The following PRKG1 variants were observed in gnomAD, a reference collection of about 807,000 sequenced individuals.
PRKG1 encodes cGMP-dependent protein kinase 1.
Under a neutral mutation model 88.1 loss-of-function variants are expected in PRKG1, and 35 were observed. The ratio of observed to expected loss-of-function variants is 0.40; its 90% confidence interval spans 0.30 to 0.53. The LOEUF (loss-of-function observed/expected upper bound fraction) is 0.53. PRKG1 is among the 20% of genes least tolerant of loss of function. The pLI is 0.59. For synonymous variants in PRKG1, 303 were observed against 292.5 expected, an observed-to-expected ratio of 1.04 and a Z score of -0.37; for missense variants, 540 against 839.8, an observed-to-expected ratio of 0.64 and a Z score of 4.41.
At chr10:51,351,160 GA>G (rs1184162539) in intron 2 of PRKG1, among the ~76,000 whole-genome samples, 5 of 152,232 alleles carry the variant, frequency 3.3e-5, no homozygotes, top group Admixed American at 3.3e-4. Flanking sequence ...GTCTATCATT[GA>G]TGGGCATTTG....
At chr10:51,943,939 G>A (rs1842966566) in intron 5 of PRKG1, among the ~76,000 whole-genome samples, 1 of 151,978 alleles carries the variant, frequency 6.6e-6, no homozygotes, top group African/African-American at 2.4e-5. Context: ...TCTCTGCCCG[G>A]CTTTGGTATC....
At chr10:51,212,886 C>T (rs978894901) in intron 2 of PRKG1, among the ~76,000 whole-genome samples, 1 of 152,238 alleles carries the variant, frequency 6.6e-6, no homozygotes, top group Non-Finnish European at 1.5e-5. Flanking sequence ...ACTAGTTCAA[C>T]CATTGTGGAA....
rs1037924402 is a variant in PRKG1, at chr10:51,693,550, T to C, written c.593-111035T>C. The stretch of plus-strand genomic sequence containing the variant: ...CCAAGTAGCTGGGATTACTGGGGCC[T>C]GCCAACATGCCTGGCTAATTTTTGT... On this transcript the variant is annotated intron_variant, in intron 3 of 17. Coordinates refer to ENST00000373980, the MANE Select transcript of PRKG1 (RefSeq NM_006258.4). 3.9e-5 allele frequency among the ~76,000 whole-genome samples: 6 copies of C among 151,926 alleles called. No homozygotes were observed. In the East Asian group the frequency reaches 9.7e-4, roughly 25 times the overall value.
intron 4 of PRKG1, among the ~76,000 whole-genome samples, chr10:51,868,439 A>G (rs1488661161): frequency 1.3e-5 from 2 of 152,216 alleles, no homozygotes; most frequent in Non-Finnish European, 2.9e-5. Flanking sequence ...TGTGGCAAAG[A>G]GAAATAGTTT....
At chr10:52,199,212 C>G (rs1839592403) in intron 9 of PRKG1, among the ~76,000 whole-genome samples, 1 of 152,088 alleles carries the variant, frequency 6.6e-6, no homozygotes, top group South Asian at 2.1e-4. Context: ...ACATTTTGAC[C>G]TAGGCATTTC....
At chr10:51,622,531 A>G (rs1839235171) in intron 3 of PRKG1, among the ~76,000 whole-genome samples, 1 of 152,208 alleles carries the variant, frequency 6.6e-6, no homozygotes, top group Non-Finnish European at 1.5e-5. Flanking sequence ...CAGGGACTCT[A>G]TACTGGAATT....
At chr10:51,126,825 T>C (rs1589173872) in intron 1 of PRKG1, among the ~76,000 whole-genome samples, 1 of 152,260 alleles carries the variant, frequency 6.6e-6, no homozygotes, top group African/African-American at 2.4e-5. Flanking sequence ...TACAACCATC[T>C]GATCTTCAAC....
chr10:51,073,771 G>A (rs1048361140), upstream of PRKG1, among the ~76,000 whole-genome samples: 3 of 152,110 alleles, frequency 2.0e-5, no homozygotes, highest in African/African-American at 7.2e-5. Flanking sequence ...GCTGAAAGGG[G>A]GAATTCCTCG....
At chr10:51,204,842 T>C (rs111260733) in intron 2 of PRKG1, among the ~76,000 whole-genome samples, 3,067 of 152,232 alleles carry the variant, frequency 0.02, 48 homozygotes, top group Middle Eastern at 0.051. Flanking sequence ...GAATAGATCA[T>C]TTTGGGGCCT....
At chr10:51,478,926 G>A (rs1483916267) in intron 3 of PRKG1, among the ~76,000 whole-genome samples, 4 of 151,850 alleles carry the variant, frequency 2.6e-5, no homozygotes, top group East Asian at 3.9e-4. Context: ...TAAAAAAATC[G>A]ACTCCCTTTG....
At chr10:51,997,545 A>G (rs1844481209) in intron 5 of PRKG1, among the ~76,000 whole-genome samples, 1 of 152,086 alleles carries the variant, frequency 6.6e-6, no homozygotes, top group Admixed American at 6.6e-5. Flanking sequence ...TTAATAACAG[A>G]TTGTATTCTA....
chr10:52,248,751 A>G (rs976609643), intron 9 of PRKG1, among the ~76,000 whole-genome samples: 7 of 151,640 alleles, frequency 4.6e-5, no homozygotes, highest in African/African-American at 1.7e-4. Context: ...ATTAAATACT[A>G]TCAGTAATTA....
chr10:51,116,159 A>T (rs551857820), intron 1 of PRKG1, among the ~76,000 whole-genome samples: 1 of 152,310 alleles, frequency 6.6e-6, no homozygotes, highest in South Asian at 2.1e-4. Flanking sequence ...CAAATTAAAT[A>T]ACAAATGTGA....
intron 2 of PRKG1, among the ~76,000 whole-genome samples, chr10:51,318,027 A>G (rs1841366671): frequency 6.6e-6 from 1 of 151,964 alleles, no homozygotes; most frequent in Non-Finnish European, 1.5e-5. Flanking sequence ...CCTCCTACAC[A>G]CTTTATATTG....
At chr10:51,520,831 T>G (rs955055431) in intron 3 of PRKG1, among the ~76,000 whole-genome samples, 1 of 152,220 alleles carries the variant, frequency 6.6e-6, no homozygotes, top group Non-Finnish European at 1.5e-5. Context: ...TTCTGTACAT[T>G]GAAAGTGGTT....
intron 3 of PRKG1, among the ~76,000 whole-genome samples, chr10:51,496,576 C>G (rs74132516): frequency 0.017 from 2,616 of 152,188 alleles, 52 homozygotes; most frequent in African/African-American, 0.044. Context: ...ATTTAATGCC[C>G]TTTACTTCAA....
intron 5 of PRKG1, among the ~76,000 whole-genome samples, chr10:52,031,345 A>G (rs753372640): frequency 6.6e-5 from 10 of 152,212 alleles, no homozygotes; most frequent in Non-Finnish European, 1.0e-4. Context: ...GGTTGCCATA[A>G]TAAGTCTTCT....
intron 9 of PRKG1, among the ~76,000 whole-genome samples, chr10:52,213,410 CA>C (rs1452188914): frequency 1.3e-5 from 2 of 152,266 alleles, no homozygotes; most frequent in East Asian, 3.9e-4. Flanking sequence ...CATGCAGACT[CA>C]ATGCAAATCT....
chr10:52,140,729 G>A (rs1295930011), intron 8 of PRKG1, among the ~76,000 whole-genome samples: 1 of 152,062 alleles, frequency 6.6e-6, no homozygotes, highest in Non-Finnish European at 1.5e-5. Context: ...GGAAAGTAGA[G>A]GGGAGATTTG....
Sources: allele counts gnomAD v4.1 joint callset (sites outside exome capture counted in the v4.1 genomes callset), GRCh38; gene constraint gnomAD v4.1.1; transcripts MANE v1.5; gene names NCBI Gene and HGNC (gene_info 2026-07-23, HGNC 2026-07-21).